PACRG: variants seen among roughly 807,000 people sequenced by gnomAD.
PACRG encodes parkin coregulated gene protein.
A neutral mutation model predicts 29.7 loss-of-function variants in PACRG; 29 were observed. That is an observed-to-expected ratio of 0.98 (90% CI 0.73 to 1.33). The LOEUF (loss-of-function observed/expected upper bound fraction) is 1.33, where lower values mean the gene tolerates loss of function less well. PACRG is among the 40% of genes most tolerant of loss of function. The probability of loss-of-function intolerance (pLI) is 0.00; values close to 1 mark genes in which losing one functional copy is unlikely to be tolerated. For synonymous variants in PACRG, 116 were observed against 118.7 expected (o/e 0.98, Z 0.15); for missense variants, 279 against 316.2 (o/e 0.88, Z 0.89).
At chr6:162,949,241 A>T (rs1012716119) in intron 2 of PACRG, among the ~76,000 whole-genome samples, 1 of 152,198 alleles carries the variant, frequency 6.6e-6, no homozygotes, top group African/African-American at 2.4e-5. Context: ...TAAGTGAAAT[A>T]AGCCAGTCAC....
At chr6:163,298,955 C>T (rs1295429484) in intron 4 of PACRG, among the ~76,000 whole-genome samples, 2 of 152,184 alleles carry the variant, frequency 1.3e-5, no homozygotes, top group Admixed American at 6.5e-5. Context: ...GTAGTGGCCC[C>T]CCAAGTCCAT....
intron 4 of PACRG, among the ~76,000 whole-genome samples, chr6:163,145,546 T>C (rs549240889): frequency 5.8e-4 from 89 of 152,310 alleles, no homozygotes; most frequent in African/African-American, 1.9e-3. Context: ...CTGGGATGAT[T>C]TTCCCTCCCA....
intron 2 of PACRG, among the ~76,000 whole-genome samples, chr6:162,873,846 C>G (rs1407022431): frequency 6.6e-6 from 1 of 152,074 alleles, no homozygotes. Context: ...TAAGATTAGC[C>G]AGTACATTTT....
At chr6:162,826,503 G>C (rs1173677871) in intron 2 of PACRG, among the ~76,000 whole-genome samples, 1 of 128,504 alleles carries the variant, frequency 7.8e-6, no homozygotes, top group African/African-American at 3.0e-5. Flanking sequence ...CACTCTTGTT[G>C]CCCAGGCTGG....
At chr6:162,774,706 C>A (rs996196991) in intron 1 of PACRG, among the ~76,000 whole-genome samples, 1 of 151,972 alleles carries the variant, frequency 6.6e-6, no homozygotes, top group Non-Finnish European at 1.5e-5. Context: ...ATGTTTTTTT[C>A]TAGCTTTCTT....
At chr6:162,776,378 C>T (rs114789667) in intron 1 of PACRG, among the ~76,000 whole-genome samples, 2 of 152,354 alleles carry the variant, frequency 1.3e-5, no homozygotes, top group African/African-American at 4.8e-5. Flanking sequence ...CTGGAGCAAC[C>T]TGCTCCCTGG....
chr6:163,157,202 C>T (rs1778361449), intron 4 of PACRG, among the ~76,000 whole-genome samples: 1 of 152,182 alleles, frequency 6.6e-6, no homozygotes, highest in Non-Finnish European at 1.5e-5. Context: ...ATCCTCCGTC[C>T]CGCGTCCAGT....
intron 2 of PACRG, among the ~76,000 whole-genome samples, chr6:162,947,635 T>TC (rs1799331422): frequency 5.1e-5 from 4 of 77,834 alleles, no homozygotes; most frequent in Admixed American, 4.9e-4. Flanking sequence ...TATATATATA[T>TC]ATATATATAT....
intron 2 of PACRG, chr6:162,892,033 GC>G (rs945336466): frequency 1.3e-5 from 2 of 152,332 alleles, no homozygotes; most frequent in Admixed American, 6.5e-5. Context: ...CCTGGGCAAG[GC>G]CCCCCCTGCT....
At chr6:163,293,468 G>T (rs558918156) in intron 4 of PACRG, among the ~76,000 whole-genome samples, 1 of 152,336 alleles carries the variant, frequency 6.6e-6, no homozygotes, top group Admixed American at 6.5e-5. Flanking sequence ...AATCAAAGCA[G>T]CTGTATAACC....
At chr6:163,163,938 T>C (rs1451068110) in intron 4 of PACRG, among the ~76,000 whole-genome samples, 1 of 152,134 alleles carries the variant, frequency 6.6e-6, no homozygotes, top group Non-Finnish European at 1.5e-5. Context: ...TAAATAGATA[T>C]TGCGATTTGT....
At chr6:162,997,178 A>G (rs952323885) in intron 2 of PACRG, among the ~76,000 whole-genome samples, 32 of 152,330 alleles carry the variant, frequency 2.1e-4, no homozygotes, top group African/African-American at 7.5e-4. Flanking sequence ...TCTTCAGAAA[A>G]TATGTCATGC....
At chr6:163,267,327 A>G (rs2128177807) in intron 4 of PACRG, among the ~76,000 whole-genome samples, 1 of 152,334 alleles carries the variant, frequency 6.6e-6, no homozygotes, top group South Asian at 2.1e-4. Flanking sequence ...TTACCAAGAA[A>G]CTATTGAATG....
chr6:162,852,075 A>T (rs540387192), intron 2 of PACRG, among the ~76,000 whole-genome samples: 1 of 151,656 alleles, frequency 6.6e-6, no homozygotes, highest in African/African-American at 2.4e-5. Flanking sequence ...TTTTGTCATT[A>T]GAAGTATTAC....
In PACRG at chr6:163,144,233, C is replaced by CAAAA. The variant is rs754157729; in HGVS notation, c.613+54838_613+54841dup. Among the ~76,000 whole-genome samples the CAAAA allele has an allele frequency of 1.8e-3, 184 of 101,930 alleles. 11 individuals carry two copies. The East Asian group carries it at 0.02, about 11-fold the overall frequency. 66.9% of individuals were successfully genotyped at this position (101,930 alleles called of 152,430 possible). Reference sequence around the variant, plus strand: ...GACAGAGTGAGACTCCGTCTCAAAACAAAAAAAAAAAAAAAAGGGAAAAGT... The same window carrying CAAAA: ...GACAGAGTGAGACTCCGTCTCAAAACAAAAAAAAAAAAAAAAAAAAGGGAAAAGT... On this transcript the variant is annotated intron_variant, in intron 4 of 4. Coordinates refer to ENST00000366888, the MANE Select transcript of PACRG (RefSeq NM_001080379.2).
At chr6:163,089,677 T>TA (rs3831041) in intron 4 of PACRG, among the ~76,000 whole-genome samples, 1 of 151,940 alleles carries the variant, frequency 6.6e-6, no homozygotes, top group African/African-American at 2.4e-5. Context: ...ATAATTAAAT[T>TA]TGAAGTTTTT....
intron 2 of PACRG, among the ~76,000 whole-genome samples, chr6:162,985,523 C>T (rs73609715): frequency 6.6e-6 from 1 of 151,930 alleles, no homozygotes. Context: ...ATGATTAAAA[C>T]CCTCACCAAA....
At position 163,113,297 on chromosome 6, in the gene PACRG, C is replaced by G. The variant is rs954693056; in HGVS notation, c.613+23889C>G. 3.3e-5 allele frequency among the ~76,000 whole-genome samples: 5 copies of G among 152,032 alleles called. No individual in the cohort carries two copies. In the South Asian group the frequency reaches 8.3e-4, roughly 25 times the overall value. On this transcript the variant is annotated intron_variant, in intron 4 of 4. Transcript: ENST00000366888. ...GGACCAGCATGTTCATTGTGGGATTCTAGGGAGAAGAGAGAGAGAAAGCGG... is the reference window on the plus strand; with the variant it reads ...GGACCAGCATGTTCATTGTGGGATTGTAGGGAGAAGAGAGAGAGAAAGCGG...
intron 1 of PACRG, among the ~76,000 whole-genome samples, chr6:162,773,053 T>A (rs1783343606): frequency 6.6e-6 from 1 of 150,656 alleles, no homozygotes; most frequent in African/African-American, 2.4e-5. Context: ...TCAATGGTGA[T>A]CTTGCAGGGA....
Sources: gnomAD v4.1 joint callset for allele counts (sites outside exome capture counted in the v4.1 genomes callset) on GRCh38, gnomAD v4.1.1 for gene constraint, MANE v1.5 for transcripts, NCBI Gene and HGNC (gene_info 2026-07-23, HGNC 2026-07-21) for gene names.